The following NXPE2 variants were observed in gnomAD, a reference collection of about 807,000 sequenced individuals.
NXPE2 encodes the protein NXPE family member 2.
A neutral mutation model predicts 34.4 loss-of-function variants in NXPE2; 34 were observed. That is an observed-to-expected ratio of 0.99 (90% CI 0.75 to 1.31). The LOEUF (loss-of-function observed/expected upper bound fraction) is 1.31, where lower values mean the gene tolerates loss of function less well. NXPE2 is among the 40% of genes most tolerant of loss of function. NXPE2 has a pLI of 0.00. For synonymous variants in NXPE2, 235 were observed against 231.3 expected (o/e 1.02, Z -0.15); for missense variants, 649 against 672.5 (o/e 0.97, Z 0.39).
the NXPE2 span, among the ~76,000 whole-genome samples, chr11:114,511,713 A>C: frequency 6.6e-6 from 1 of 152,312 alleles, no homozygotes; most frequent in Non-Finnish European, 1.5e-5. Flanking sequence ...TGTTTGGCTC[A>C]TGGGGGCTGA....
the NXPE2 span, among the ~76,000 whole-genome samples, chr11:114,800,783 T>C: frequency 4.6e-5 from 7 of 152,316 alleles, no homozygotes; most frequent in Middle Eastern, 3.4e-3. Context: ...TAAAAGAAGA[T>C]AAAGATACCC....
the NXPE2 span, among the ~76,000 whole-genome samples, chr11:114,672,387 A>T: frequency 2.1e-5 from 3 of 145,438 alleles, no homozygotes; most frequent in East Asian, 6.7e-4. Context: ...ATATTCATTT[A>T]ATGCAAAATA....
At chr11:114,573,137 GT>G in the NXPE2 span, among the ~76,000 whole-genome samples, 4 of 151,982 alleles carry the variant, frequency 2.6e-5, no homozygotes, top group Non-Finnish European at 5.9e-5. Flanking sequence ...AGAAAAGATA[GT>G]CTTTTCGAGA....
chr11:114,665,675 G>T, the NXPE2 span, among the ~76,000 whole-genome samples: 2 of 152,178 alleles, frequency 1.3e-5, no homozygotes, highest in Non-Finnish European at 2.9e-5. Flanking sequence ...TAAATAATTT[G>T]TAATCTGGAG....
chr11:114,724,716 A>T, the NXPE2 span, among the ~76,000 whole-genome samples: 1 of 151,982 alleles, frequency 6.6e-6, no homozygotes, highest in Non-Finnish European at 1.5e-5. Flanking sequence ...CACCAAATGG[A>T]TGCCTCAATT....
At chr11:114,658,106 C>A in the NXPE2 span, among the ~76,000 whole-genome samples, 1 of 152,098 alleles carries the variant, frequency 6.6e-6, no homozygotes, top group Admixed American at 6.6e-5. Flanking sequence ...TCAATCCCGT[C>A]ATAAAAAAGA....
the NXPE2 span, among the ~76,000 whole-genome samples, chr11:114,755,598 A>T: frequency 1.2e-4 from 19 of 152,096 alleles, no homozygotes; most frequent in Admixed American, 6.5e-5. Flanking sequence ...TGCTTACTTT[A>T]TCTATCCATG....
chr11:114,522,756 G>T, the NXPE2 span: 2 of 716,846 alleles, frequency 2.8e-6, no homozygotes, highest in East Asian at 2.7e-5. Context: ...AAATGTAAAG[G>T]TTCAAATCCA....
intron 1 of NXPE2, among the ~76,000 whole-genome samples, chr11:114,679,308 CGGTGGGGGTGG>C (rs929819798): frequency 1.0e-4 from 2 of 19,452 alleles, no homozygotes; most frequent in South Asian, 1.4e-3. Flanking sequence ...CTAGAGGACA[CGGTGGGGGTGG>C]GGTGGGGGTG....
At chr11:114,583,081 T>C in the NXPE2 span, 1 of 1,510,832 alleles carries the variant, frequency 6.6e-7, no homozygotes, top group Admixed American at 2.1e-5. Context: ...TGAACTGAAA[T>C]GACAGGAAGT....
chr11:114,553,089 G>A, the NXPE2 span, among the ~76,000 whole-genome samples: 2 of 152,074 alleles, frequency 1.3e-5, no homozygotes, highest in East Asian at 3.9e-4. Context: ...ATGCTTCCTG[G>A]TAAACTTAGA....
the NXPE2 span, among the ~76,000 whole-genome samples, chr11:114,504,129 G>C: frequency 1.3e-5 from 2 of 152,212 alleles, no homozygotes; most frequent in African/African-American, 2.4e-5. Flanking sequence ...TCATTGATGT[G>C]TGTCTGCAGG....
chr11:114,562,473 A>T, the NXPE2 span, among the ~76,000 whole-genome samples: 8 of 152,340 alleles, frequency 5.3e-5, no homozygotes, highest in South Asian at 1.7e-3. Context: ...TTTCAGTAGG[A>T]ATCATAGGAA....
the NXPE2 span, among the ~76,000 whole-genome samples, chr11:114,528,632 A>T: frequency 1.3e-5 from 2 of 152,170 alleles, no homozygotes; most frequent in Admixed American, 6.5e-5. Context: ...TGTACCTTAC[A>T]TTTCTTTCCT....
At chr11:114,661,752 A>G in the NXPE2 span, among the ~76,000 whole-genome samples, 1 of 152,236 alleles carries the variant, frequency 6.6e-6, no homozygotes, top group Non-Finnish European at 1.5e-5. Flanking sequence ...TTACAAACAC[A>G]TAGTAGTTCA....
Position 114,704,013 on chromosome 11 carries a change from A to G in NXPE2, c.889A>G (p.Met297Val). 1.9e-6 allele frequency: 3 copies of G among 1,551,968 alleles called. No homozygotes were observed. The highest frequency in any genetic ancestry group is 2.6e-6 in the Non-Finnish European group (3 of 1,146,736). ...FHRSNIGVEM[M>V]KNFTPIEVIP... Reference sequence around the variant, plus strand: ...CAGGTCCAACATAGGAGTTGAAATGATGAAGAACTTTACCCCCATTGAGGT... The same window carrying G: ...CAGGTCCAACATAGGAGTTGAAATGGTGAAGAACTTTACCCCCATTGAGGT... Residue 297 changes from methionine to valine, a missense_variant, in exon 4 of 6, where the codon ATG (methionine) becomes GTG (valine). Transcript: ENST00000389586.
rs148032392 is a variant in NXPE2 at position 114,686,893 on chromosome 11, T to C, written c.132+7131T>C. On this transcript the variant is annotated intron_variant, in intron 2 of 5. Transcript: ENST00000389586. ...AGTGATGTTGAGCATTTCTTATGTTTGTTGGCCATGTGTATGTCTTTTGAG... is the reference window on the plus strand; with the variant it reads ...AGTGATGTTGAGCATTTCTTATGTTCGTTGGCCATGTGTATGTCTTTTGAG... Among the ~76,000 whole-genome samples the C allele has an allele frequency of 7.2e-5, 11 of 152,232 alleles. No homozygotes were observed. In the East Asian group the frequency reaches 9.6e-4, roughly 13 times the overall value.
the NXPE2 span, among the ~76,000 whole-genome samples, chr11:114,713,207 A>G: frequency 6.6e-6 from 1 of 152,186 alleles, no homozygotes; most frequent in Non-Finnish European, 1.5e-5. Context: ...AACCATGTGA[A>G]TATACTTAAC....
the NXPE2 span, among the ~76,000 whole-genome samples, chr11:114,623,935 G>A: frequency 6.8e-6 from 1 of 147,594 alleles, no homozygotes; most frequent in African/African-American, 2.5e-5. Context: ...TAATAAGAAC[G>A]ACCTCTGGGG....
Sources: allele counts gnomAD v4.1 joint callset (sites outside exome capture counted in the v4.1 genomes callset), GRCh38; gene constraint gnomAD v4.1.1; transcripts MANE v1.5; gene names NCBI Gene and HGNC (gene_info 2026-07-23, HGNC 2026-07-21).